SVOP: variants seen among roughly 807,000 people sequenced by gnomAD.
SVOP encodes the protein SV2 related protein, also known as synaptic vesicle 2-related protein.
A neutral mutation model predicts 69.1 loss-of-function variants in SVOP; 17 were observed. The ratio of observed to expected loss-of-function variants is 0.25; its 90% CI spans 0.17 to 0.37. The LOEUF (loss-of-function observed/expected upper bound fraction) is 0.37, where lower values mean the gene tolerates loss of function less well. Among genes scored for constraint, SVOP ranks in the 10% least tolerant of loss-of-function variants. SVOP has a pLI of 1.00. For missense variants in SVOP, 435 were observed against 597.5 expected (o/e 0.73, Z 2.84); for synonymous variants, 238 against 238.6 (o/e 1.00, Z 0.02).
chr12:108,957,648 C>T (rs566007442), intron 6 of SVOP, among the ~76,000 whole-genome samples: 22 of 152,342 alleles, frequency 1.4e-4, no homozygotes, highest in African/African-American at 5.1e-4. Context: ...ATATACCAGA[C>T]ATCTCTTGGT....
chr12:108,948,816 C>A (rs2137413028), intron 6 of SVOP, among the ~76,000 whole-genome samples: 1 of 152,268 alleles, frequency 6.6e-6, no homozygotes, highest in Non-Finnish European at 1.5e-5. Flanking sequence ...CATAACTAAA[C>A]CCTGATAATA....
At chr12:108,948,244 T>G (rs767056120) in intron 6 of SVOP, among the ~76,000 whole-genome samples, 11 of 152,198 alleles carry the variant, frequency 7.2e-5, no homozygotes, top group Non-Finnish European at 1.3e-4. Context: ...TTAGCATCTT[T>G]CACTCTTACA....
chr12:108,977,490 C>T lies in SVOP; in HGVS notation c.289G>A (p.Asp97Asn). ...SVLTGLAWMA[D>N]AMEMMILSIL... ...CTGAGGATCATCATCTCCATGGCAT[C>T]AGCCATCTGCAGAGAGGACGGAGAC... The change falls in exon 4 of 16, where the codon GAT becomes AAT. Residue 97 changes from aspartate (D) to asparagine (N), a missense_variant. Asp to Asn is a conservative substitution (Grantham distance 23). Coordinates refer to ENST00000610966, the MANE Select transcript of SVOP (RefSeq NM_018711.5). The T allele has an allele frequency of 6.5e-7, 1 of 1,528,616 alleles. No homozygotes were observed. The highest frequency in any genetic ancestry group is 2.4e-5 in the East Asian group (1 of 40,868). The allele number at this position is 1,528,616 out of a possible 1,614,324, so 94.7% of individuals were successfully genotyped here.
At position 108,953,119 on chromosome 12, in the gene SVOP, C is replaced by A. The variant is rs376353212; in HGVS notation, c.578+7804G>T. On this transcript the variant is annotated intron_variant, in intron 6 of 15. Coordinates refer to ENST00000610966, the MANE Select transcript of SVOP (RefSeq NM_018711.5). ...CAGATCAGCGTAGAGGAATGGGCTC[C>A]TTAATGATCTAATTGACTTTTTTTT... 4.8e-5 allele frequency among the ~76,000 whole-genome samples: 7 copies of A among 146,698 alleles called. No homozygotes were observed. The East Asian group carries it at 1.0e-3, about 21-fold the overall frequency.
intron 6 of SVOP, among the ~76,000 whole-genome samples, chr12:108,948,644 A>G (rs2039937702): frequency 1.3e-5 from 2 of 152,196 alleles, no homozygotes; most frequent in South Asian, 4.1e-4. Flanking sequence ...TTGTCTTCAC[A>G]TTGTTTCCTT....
intron 5 of SVOP, among the ~76,000 whole-genome samples, chr12:108,967,916 T>G (rs1408476658): frequency 2.0e-5 from 3 of 152,240 alleles, no homozygotes; most frequent in Non-Finnish European, 2.9e-5. Context: ...TCTGTAAATC[T>G]CTTTAAAATC....
At chr12:108,993,002 T>C (rs2040210879) in intron 1 of SVOP, among the ~76,000 whole-genome samples, 1 of 152,166 alleles carries the variant, frequency 6.6e-6, no homozygotes, top group Admixed American at 6.5e-5. Context: ...AGGCCAGGAC[T>C]TCAAGACCAG....
At chr12:108,995,757 C>T (rs918502930) in intron 1 of SVOP, among the ~76,000 whole-genome samples, 3 of 151,482 alleles carry the variant, frequency 2.0e-5, no homozygotes, top group Admixed American at 6.6e-5. Context: ...AAAAATTAGC[C>T]GGGCGTGTTG....
At chr12:108,929,617 A>G (rs992599976) in intron 11 of SVOP, among the ~76,000 whole-genome samples, 1 of 152,094 alleles carries the variant, frequency 6.6e-6, no homozygotes, top group Non-Finnish European at 1.5e-5. Context: ...TAATCCTATC[A>G]AGTCGGTTTA....
intron 15 of SVOP, among the ~76,000 whole-genome samples, chr12:108,913,470 G>C (rs993628446): frequency 6.6e-6 from 1 of 152,202 alleles, no homozygotes; most frequent in Non-Finnish European, 1.5e-5. Flanking sequence ...GAGGCTCAAA[G>C]AGGATAAGTG....
intron 6 of SVOP, among the ~76,000 whole-genome samples, chr12:108,954,894 A>C (rs1032667608): frequency 2.0e-5 from 3 of 152,162 alleles, no homozygotes; most frequent in African/African-American, 7.2e-5. Context: ...TTAGCTGAGC[A>C]TGGTGGTGTG....
At position 108,956,131 on chromosome 12, in the gene SVOP, T is replaced by C. The variant is rs542939024; in HGVS notation, c.578+4792A>G. On this transcript the variant is annotated intron_variant, in intron 6 of 15. Coordinates refer to ENST00000610966, the MANE Select transcript of SVOP (RefSeq NM_018711.5). ...CTGGCCAACATGGTGAAACCCCGTC[T>C]CTACTAAAAATACAAAAAAAATTAG... Among the ~76,000 whole-genome samples, 20 of 131,310 alleles carry C rather than the reference T, an allele frequency of 1.5e-4. No homozygotes were observed. In the East Asian group the frequency reaches 4.5e-3, roughly 29 times the overall value. The allele number at this position is 131,310 out of a possible 152,430, so 86.1% of individuals were successfully genotyped here.
intron 1 of SVOP, among the ~76,000 whole-genome samples, chr12:108,989,047 ACAGG>A (rs1310409531): frequency 6.6e-6 from 1 of 152,126 alleles, no homozygotes; most frequent in African/African-American, 2.4e-5. Context: ...TGCTGGTATT[ACAGG>A]CATGAGCCAC....
At chr12:108,963,851 A>G (rs2040030666) in intron 5 of SVOP, among the ~76,000 whole-genome samples, 1 of 152,160 alleles carries the variant, frequency 6.6e-6, no homozygotes, top group African/African-American at 2.4e-5. Flanking sequence ...TTTAACACAG[A>G]AGGCACTGGG....
intron 11 of SVOP, among the ~76,000 whole-genome samples, chr12:108,925,700 C>T (rs780307767): frequency 6.6e-6 from 1 of 152,196 alleles, no homozygotes; most frequent in African/African-American, 2.4e-5. Flanking sequence ...CTCCAGCACA[C>T]TGGTCTCCTT....
intron 11 of SVOP, 82 bp downstream of exon 11, chr12:108,934,113 C>T: frequency 8.0e-7 from 1 of 1,243,608 alleles, no homozygotes. Context: ...AGGGCAGAGC[C>T]TGGGGTGGGA....
chr12:108,923,066 G>A (rs1426186640), intron 11 of SVOP, among the ~76,000 whole-genome samples: 1 of 152,184 alleles, frequency 6.6e-6, no homozygotes. Flanking sequence ...GCGTATGAAT[G>A]TGCTTAGTAC....
At position 108,951,271 on chromosome 12, in the gene SVOP, T is replaced by G. The variant is rs2039952310; in HGVS notation, c.579-6105A>C. Among the ~76,000 whole-genome samples the G allele has an allele frequency of 2.0e-5, 3 of 152,178 alleles. No individual in the cohort carries two copies. In the South Asian group the frequency reaches 6.2e-4, roughly 32 times the overall value. ...GGCGTGGGTTACCTTACTCCAGGTT[T>G]CCCACCGCAGCCGCTTACATAAATG... On this transcript the variant is annotated intron_variant, in intron 6 of 15. Transcript: ENST00000610966.
chr12:108,943,221 G>A (rs1472474204), intron 7 of SVOP, among the ~76,000 whole-genome samples: 1 of 152,118 alleles, frequency 6.6e-6, no homozygotes, highest in Non-Finnish European at 1.5e-5. Context: ...TTTTGCTTAA[G>A]TGAATCACAG....
Sources: gnomAD v4.1 joint callset for allele counts (sites outside exome capture counted in the v4.1 genomes callset) on GRCh38, gnomAD v4.1.1 for gene constraint, MANE v1.5 for transcripts, NCBI Gene and HGNC (gene_info 2026-07-23, HGNC 2026-07-21) for gene names.